The following ADGRB3 variants were observed in gnomAD, a reference collection of about 807,000 sequenced individuals.
The protein encoded by ADGRB3 is adhesion G protein-coupled receptor B3.
ADGRB3 carries 37 observed loss-of-function variants against 193.4 expected under a neutral mutation model. That is an observed-to-expected ratio of 0.19 (90% CI 0.15 to 0.25). The LOEUF (loss-of-function observed/expected upper bound fraction) is 0.25, where lower values mean the gene tolerates loss of function less well. ADGRB3 is among the 10% of genes least tolerant of loss of function. The probability of loss-of-function intolerance (pLI) is 1.00; values close to 1 mark genes in which losing one functional copy is unlikely to be tolerated. For synonymous variants in ADGRB3, 690 were observed against 644.2 expected (o/e 1.07, Z -1.08); for missense variants, 1,637 against 1,852.9 (o/e 0.88, Z 2.14).
At chr6:69,171,758 A>C (rs1280042044) in intron 17 of ADGRB3, among the ~76,000 whole-genome samples, 1 of 133,452 alleles carries the variant, frequency 7.5e-6, no homozygotes, top group African/African-American at 3.7e-5. Flanking sequence ...ATACAGAGTC[A>C]AAAAAAAAGC....
At chr6:68,751,571 A>C (rs1239153775) in intron 3 of ADGRB3, among the ~76,000 whole-genome samples, 1 of 152,228 alleles carries the variant, frequency 6.6e-6, no homozygotes, top group African/African-American at 2.4e-5. Context: ...ATACATTTAC[A>C]TAATCAAAAT....
At chr6:68,912,171 C>A (rs548128595) in intron 3 of ADGRB3, among the ~76,000 whole-genome samples, 114 of 151,880 alleles carry the variant, frequency 7.5e-4, no homozygotes, top group Non-Finnish European at 1.4e-3. Flanking sequence ...ATTCAGAAAA[C>A]CTTTAGGGTC....
At chr6:69,314,344 T>C (rs1336867794) in intron 20 of ADGRB3, among the ~76,000 whole-genome samples, 1 of 151,724 alleles carries the variant, frequency 6.6e-6, no homozygotes, top group Non-Finnish European at 1.5e-5. Context: ...TGATAGTTAT[T>C]GTTTGAGATA....
At chr6:68,982,752 A>G (rs1176502140) in intron 10 of ADGRB3, among the ~76,000 whole-genome samples, 2 of 152,152 alleles carry the variant, frequency 1.3e-5, no homozygotes, top group African/African-American at 4.8e-5. Context: ...AAAAAATCTC[A>G]GCAGGATTTT....
At chr6:68,883,012 G>A (rs1765776326) in intron 3 of ADGRB3, among the ~76,000 whole-genome samples, 1 of 152,032 alleles carries the variant, frequency 6.6e-6, no homozygotes, top group Non-Finnish European at 1.5e-5. Flanking sequence ...TCCTGCCTCA[G>A]CCTCCGGAGT....
chr6:69,113,424 T>G (rs1421000771), intron 17 of ADGRB3, among the ~76,000 whole-genome samples: 1 of 152,060 alleles, frequency 6.6e-6, no homozygotes, highest in Non-Finnish European at 1.5e-5. Flanking sequence ...ACAGAAATAC[T>G]TTCTTTAATT....
intron 15 of ADGRB3, among the ~76,000 whole-genome samples, chr6:69,062,320 A>G (rs910157669): frequency 5.9e-5 from 9 of 151,960 alleles, no homozygotes; most frequent in Admixed American, 5.9e-4. Flanking sequence ...TAAATGAAAT[A>G]TCTTGGTAAG....
intron 3 of ADGRB3, among the ~76,000 whole-genome samples, chr6:68,800,049 T>C (rs1767282493): frequency 6.6e-6 from 1 of 152,096 alleles, no homozygotes; most frequent in Non-Finnish European, 1.5e-5. Flanking sequence ...TATAGAACCA[T>C]GTGTAGTAGG....
chr6:68,809,707 T>C (rs895523566), intron 3 of ADGRB3, among the ~76,000 whole-genome samples: 1 of 152,170 alleles, frequency 6.6e-6, no homozygotes, highest in African/African-American at 2.4e-5. Context: ...TTGCCAATAT[T>C]GATGAAAAAG....
intron 3 of ADGRB3, among the ~76,000 whole-genome samples, chr6:68,731,657 CAG>C (rs1439505329): frequency 6.6e-6 from 1 of 151,314 alleles, no homozygotes; most frequent in Non-Finnish European, 1.5e-5. Context: ...TAGTTTAAAA[CAG>C]ACAATGACAT....
At chr6:69,085,663 A>G (rs768853483) in intron 17 of ADGRB3, among the ~76,000 whole-genome samples, 11 of 151,852 alleles carry the variant, frequency 7.2e-5, no homozygotes, top group African/African-American at 2.2e-4. Context: ...TAAACCCCCA[A>G]TTCAGAATTG....
chr6:69,040,706 AAAACAAAC>A (rs1262899338), intron 13 of ADGRB3, among the ~76,000 whole-genome samples: 212 of 110,160 alleles, frequency 1.9e-3, no homozygotes, highest in Non-Finnish European at 2.7e-3. Flanking sequence ...AAAAAAAAAA[AAAACAAAC>A]AAGAATTTGA....
At chr6:69,127,240 A>C (rs576526388) in intron 17 of ADGRB3, among the ~76,000 whole-genome samples, 1 of 152,336 alleles carries the variant, frequency 6.6e-6, no homozygotes, top group South Asian at 2.1e-4. Flanking sequence ...GTAGCCCTGA[A>C]GTGGCATTAA....
At chr6:69,225,211 T>C (rs1049542059) in intron 17 of ADGRB3, among the ~76,000 whole-genome samples, 3 of 152,192 alleles carry the variant, frequency 2.0e-5, no homozygotes, top group African/African-American at 7.2e-5. Flanking sequence ...GCAATCTAAT[T>C]TATATCTGAC....
In ADGRB3 at chr6:68,693,692, C is replaced by G. The variant is rs150169066; in HGVS notation, c.757+54260C>G. Among the ~76,000 whole-genome samples, 5 of 152,106 alleles carry G rather than the reference C, an allele frequency of 3.3e-5. No homozygotes were observed. The East Asian group carries it at 9.7e-4, about 29-fold the overall frequency. ...GTTTTAGGCTTATGAAAATTAACTA[C>G]ACAACCAACCAAATGAAATGAGTGA... is the stretch of plus-strand genomic sequence containing the variant. On this transcript the variant is annotated intron_variant, in intron 3 of 31. Transcript: ENST00000370598.
chr6:68,714,485 A>T (rs992073482), intron 3 of ADGRB3, among the ~76,000 whole-genome samples: 2 of 151,806 alleles, frequency 1.3e-5, no homozygotes, highest in African/African-American at 2.4e-5. Context: ...AATGATGAAA[A>T]ATATTGAGGA....
chr6:69,098,268 A>T (rs1228983215), intron 17 of ADGRB3, among the ~76,000 whole-genome samples: 1 of 152,204 alleles, frequency 6.6e-6, no homozygotes, highest in Non-Finnish European at 1.5e-5. Flanking sequence ...TCAGACATAA[A>T]TCACCTACTT....
rs937186875 is a variant in ADGRB3, at chr6:69,233,369, G to C, written c.2560G>C (p.Asp854His). ...TDASHTKCLC[D>H]RLSTFAILAQ... The stretch of plus-strand genomic sequence containing the variant: ...TGCATCCCATACGAAATGCTTATGT[G>C]ATCGTCTCTCTACCTTCGCCATTTT... Residue 854 changes from aspartate (D) to histidine (H), a missense_variant, in exon 18 of 32, where the codon GAT (aspartate) becomes CAT (histidine). Transcript: ENST00000370598. 2 of 1,613,952 alleles carry C rather than the reference G, an allele frequency of 1.2e-6. No homozygotes were observed. Among genetic ancestry groups the C allele is most frequent in the Non-Finnish European group, 1.7e-6 (2 of 1,179,998 alleles).
At chr6:69,151,490 T>C (rs2150341438) in intron 17 of ADGRB3, among the ~76,000 whole-genome samples, 1 of 152,300 alleles carries the variant, frequency 6.6e-6, no homozygotes, top group East Asian at 1.9e-4. Context: ...TTGGCATCAG[T>C]CATTCAAATC....
Sources: gnomAD v4.1 joint callset for allele counts (sites outside exome capture counted in the v4.1 genomes callset) on GRCh38, gnomAD v4.1.1 for gene constraint, MANE v1.5 for transcripts, NCBI Gene and HGNC (gene_info 2026-07-23, HGNC 2026-07-21) for gene names.